SH3GL2: variants seen among roughly 807,000 people sequenced by gnomAD.
SH3GL2 encodes the protein SH3 domain containing GRB2 like 2, endophilin A1, also known as endophilin-A1.
SH3GL2 carries 24 observed loss-of-function variants against 46.0 expected under a neutral mutation model. That is an observed-to-expected ratio of 0.52 (90% CI 0.38 to 0.73). The LOEUF is 0.73. Ranked by LOEUF, SH3GL2 falls within the 30% of genes least tolerant of loss-of-function variation. The probability of loss-of-function intolerance (pLI) is 0.00; values close to 1 mark genes in which losing one functional copy is unlikely to be tolerated. For missense variants in SH3GL2, 413 were observed against 424.2 expected (o/e 0.97, Z 0.23); for synonymous variants, 196 against 147.1 (o/e 1.33, Z -2.40).
At position 17,579,141 on chromosome 9, in the gene SH3GL2, C is replaced by A. The variant is rs1244879103; in HGVS notation, c.-102C>A. On this transcript the variant is annotated 5_prime_UTR_variant, in exon 1 of 9. Transcript: ENST00000380607. ...CGCGCCCATAGCCCCGGCGGCGGCA[C>A]GACCAGAGGCGGCCAGGGGAGCGCG... is the stretch of plus-strand genomic sequence containing the variant. The A allele has an allele frequency of 5.3e-6, 4 of 759,694 alleles. No individual in the cohort carries two copies. Among genetic ancestry groups the A allele is most frequent in the Non-Finnish European group, 7.7e-6 (4 of 516,898 alleles). 47.1% of individuals were successfully genotyped at this position (759,694 alleles called of 1,614,324 possible).
intron 3 of SH3GL2, among the ~76,000 whole-genome samples, chr9:17,782,452 A>G (rs563767467): frequency 4.3e-4 from 66 of 152,320 alleles, no homozygotes; most frequent in African/African-American, 1.5e-3. Flanking sequence ...TAAACCATAT[A>G]GCTTTTTAGC....
intron 1 of SH3GL2, among the ~76,000 whole-genome samples, chr9:17,663,209 G>A (rs1438429488): frequency 6.6e-6 from 1 of 152,082 alleles, no homozygotes; most frequent in African/African-American, 2.4e-5. Flanking sequence ...AATAACAGAT[G>A]GCTGGAAAAA....
intron 1 of SH3GL2, among the ~76,000 whole-genome samples, chr9:17,629,831 T>A (rs1392100220): frequency 6.6e-6 from 1 of 152,210 alleles, no homozygotes; most frequent in African/African-American, 2.4e-5. Context: ...AGTTCTGTAG[T>A]CCTGTTTATG....
intron 1 of SH3GL2, among the ~76,000 whole-genome samples, chr9:17,655,705 C>G (rs1318148290): frequency 6.6e-6 from 1 of 152,146 alleles, no homozygotes; most frequent in Non-Finnish European, 1.5e-5. Flanking sequence ...CTGTTCTCAT[C>G]TTCTGATTTC....
chr9:17,791,037 G>T (rs1824111655), intron 6 of SH3GL2, among the ~76,000 whole-genome samples, 194 bp from the exon 7 acceptor site: 2 of 152,082 alleles, frequency 1.3e-5, no homozygotes, highest in Admixed American at 6.6e-5. Context: ...TAAGCATAAG[G>T]ATGCTTTCTT....
intron 1 of SH3GL2, among the ~76,000 whole-genome samples, chr9:17,686,014 A>C (rs10963204): frequency 0.33 from 43,706 of 134,458 alleles, 7,043 homozygotes; most frequent in East Asian, 0.51. Context: ...CAACCTACAA[A>C]ATGGGAGAAA....
chr9:17,734,883 G>C (rs1822284498), intron 1 of SH3GL2, among the ~76,000 whole-genome samples: 1 of 152,058 alleles, frequency 6.6e-6, no homozygotes, highest in Non-Finnish European at 1.5e-5. Flanking sequence ...TGAGTATGGT[G>C]ATGATTACAT....
At chr9:17,579,687 C>T (rs947597054) in intron 1 of SH3GL2, among the ~76,000 whole-genome samples, 14 of 152,138 alleles carry the variant, frequency 9.2e-5, no homozygotes, top group Admixed American at 2.6e-4. Flanking sequence ...TCGGTGCACC[C>T]GGCTTTCCCG....
At chr9:17,643,504 G>C (rs527558007) in intron 1 of SH3GL2, among the ~76,000 whole-genome samples, 3 of 152,180 alleles carry the variant, frequency 2.0e-5, no homozygotes, top group Non-Finnish European at 2.9e-5. Flanking sequence ...GATATTGGCT[G>C]TGGGTTTGTC....
rs748618916 is a variant in SH3GL2, at chr9:17,791,249, C to A, written c.643C>A (p.Leu215Ile). Residue 215 changes from leucine (L) to isoleucine (I), a missense_variant, in exon 7 of 9, where the codon CTC (leucine) becomes ATC (isoleucine). By Grantham distance (5) the Leu-to-Ile change is conservative. Coordinates refer to ENST00000380607, the MANE Select transcript of SH3GL2 (RefSeq NM_003026.5). ...TCTGCAGATTGAACAAGTGAGCCAG[C>A]TCTCTGCACTTGTGCAAGCTCAGCT... ...LEMDIEQVSQLSALVQAQLEY... is the reference protein window; with the variant it reads ...LEMDIEQVSQISALVQAQLEY... The A allele has an allele frequency of 5.6e-6, 9 of 1,613,338 alleles. No homozygotes were observed. Among genetic ancestry groups the A allele is most frequent in the Non-Finnish European group, 6.8e-6 (8 of 1,179,310 alleles).
intron 1 of SH3GL2, among the ~76,000 whole-genome samples, chr9:17,601,852 C>T (rs1818678273): frequency 6.6e-6 from 1 of 152,054 alleles, no homozygotes; most frequent in African/African-American, 2.4e-5. Context: ...CTTCATCTGT[C>T]TGTGGTGGGT....
rs1036396640 is a variant in SH3GL2 at position 17,711,601 on chromosome 9, G to A, written c.46-35465G>A. On this transcript the variant is annotated intron_variant, in intron 1 of 8. Coordinates refer to ENST00000380607, the MANE Select transcript of SH3GL2 (RefSeq NM_003026.5). ...CCTTTTTGTCTGACTTCTTTCAATCGGCATAATTGTTTTGAGACTCCATGT... is the reference window on the plus strand; with the variant it reads ...CCTTTTTGTCTGACTTCTTTCAATCAGCATAATTGTTTTGAGACTCCATGT... 5.3e-5 allele frequency among the ~76,000 whole-genome samples: 8 copies of A among 151,512 alleles called. No homozygotes were observed. In the South Asian group the frequency reaches 6.3e-4, roughly 12 times the overall value.
rs146482754 is a variant in SH3GL2 at position 17,693,062 on chromosome 9, C to T, written c.46-54004C>T. ...ATTCAAGTTGAGATTTGGATGGGGA[C>T]ACAGCCAAACCATATCAAATAGTGT... On this transcript the variant is annotated intron_variant, in intron 1 of 8. Coordinates refer to ENST00000380607, the MANE Select transcript of SH3GL2 (RefSeq NM_003026.5). 1.1e-3 allele frequency among the ~76,000 whole-genome samples: 167 copies of T among 152,242 alleles called. 5 individuals are homozygous for T. In the East Asian group the frequency reaches 0.029, roughly 26 times the overall value.
rs150281336 is a variant in SH3GL2, at chr9:17,729,946, C to T, written c.46-17120C>T. Among the ~76,000 whole-genome samples the T allele has an allele frequency of 8.6e-5, 13 of 151,088 alleles. No individual in the cohort carries two copies. In the East Asian group the frequency reaches 2.5e-3, roughly 30 times the overall value. ...TAGGATTGTCTTGGCTATACGGGCT[C>T]TTTTTTTGGTTCCATATGACATTTA... is the stretch of plus-strand genomic sequence containing the variant. On this transcript the variant is annotated intron_variant, in intron 1 of 8. Transcript: ENST00000380607.
intron 1 of SH3GL2, among the ~76,000 whole-genome samples, chr9:17,653,627 A>G (rs1013321701): frequency 2.6e-5 from 4 of 152,132 alleles, no homozygotes; most frequent in African/African-American, 9.7e-5. Flanking sequence ...AGTGCTGCCA[A>G]TGTGATAGTA....
intron 1 of SH3GL2, among the ~76,000 whole-genome samples, chr9:17,726,113 T>A (rs1195007285): frequency 6.6e-6 from 1 of 152,170 alleles, no homozygotes; most frequent in African/African-American, 2.4e-5. Flanking sequence ...ACTTTAAATG[T>A]TTCTTTAGTT....
At chr9:17,793,158 A>T (rs1316699064) in intron 7 of SH3GL2, among the ~76,000 whole-genome samples, 1 of 152,226 alleles carries the variant, frequency 6.6e-6, no homozygotes, top group African/African-American at 2.4e-5. Context: ...GAGAGAATGA[A>T]GACAGTGAGG....
At position 17,796,965 on chromosome 9, in the gene SH3GL2, T is replaced by A. The variant is rs1458007542; in HGVS notation, c.*1222T>A. ...TGTTAGGTATGCAGAGTTCTATTTA[T>A]CTAGCTGTACAGACTCTTTCAGAGG... On this transcript the variant is annotated 3_prime_UTR_variant, in exon 9 of 9. Transcript: ENST00000380607. 6.5e-6 allele frequency: 1 copy of A among 152,790 alleles called. No individual in the cohort carries two copies. The highest frequency in any genetic ancestry group is 2.1e-4 in the South Asian group (1 of 4,828). 9.5% of individuals were successfully genotyped at this position (152,790 alleles called of 1,614,324 possible). A position where few individuals can be genotyped will look rare whatever the true frequency, so the allele number is the denominator to read the frequency against.
At chr9:17,625,493 A>T (rs1191579529) in intron 1 of SH3GL2, among the ~76,000 whole-genome samples, 1 of 152,146 alleles carries the variant, frequency 6.6e-6, no homozygotes, top group African/African-American at 2.4e-5. Context: ...TTCTCATCTC[A>T]TGGGATCCTC....
Sources: gnomAD v4.1 joint callset for allele counts (sites outside exome capture counted in the v4.1 genomes callset) on GRCh38, gnomAD v4.1.1 for gene constraint, MANE v1.5 for transcripts, NCBI Gene and HGNC (gene_info 2026-07-23, HGNC 2026-07-21) for gene names.